USPL1: variants seen among roughly 807,000 people sequenced by gnomAD.
USPL1 encodes the protein SUMO-specific isopeptidase USPL1.
Under a neutral mutation model 51.5 loss-of-function variants are expected in USPL1, and 27 were observed. The observed-to-expected ratio is 0.52, with a 90% CI of 0.39 to 0.72. USPL1 has a LOEUF of 0.72. Among genes scored for constraint, USPL1 ranks in the 30% least tolerant of loss-of-function variants. USPL1 has a pLI of 0.00. For synonymous variants in USPL1, 451 were observed against 459.6 expected (o/e 0.98, Z 0.24); for missense variants, 1,226 against 1,268.0 (o/e 0.97, Z 0.50).
At chr13:30,655,577 T>G (rs1951151600) in intron 8 of USPL1, among the ~76,000 whole-genome samples, 1 of 152,218 alleles carries the variant, frequency 6.6e-6, no homozygotes, top group South Asian at 2.1e-4. Flanking sequence ...GAGTTTTCTG[T>G]GTGTGCTCTG....
intron 5 of USPL1, 142 bp downstream of exon 5, chr13:30,637,999 T>A: frequency 1.4e-6 from 1 of 707,648 alleles, no homozygotes; most frequent in Non-Finnish European, 2.4e-6. Context: ...GACTTAGGAA[T>A]CTACCACTGG....
chr13:30,623,863 G>A (rs1429360072), intron 3 of USPL1, among the ~76,000 whole-genome samples: 1 of 152,158 alleles, frequency 6.6e-6, no homozygotes, highest in Non-Finnish European at 1.5e-5. Flanking sequence ...ATGCTTAGAG[G>A]AAGTGGAAGC....
intron 7 of USPL1, among the ~76,000 whole-genome samples, chr13:30,648,309 A>G (rs1220986625): frequency 6.6e-6 from 1 of 152,154 alleles, no homozygotes; most frequent in Non-Finnish European, 1.5e-5. Flanking sequence ...CAATACTCAG[A>G]TGCTTCACAG....
chr13:30,620,151 G>A (rs1055393423), intron 1 of USPL1, among the ~76,000 whole-genome samples: 11 of 152,164 alleles, frequency 7.2e-5, no homozygotes, highest in African/African-American at 2.7e-4. Flanking sequence ...TTATATAGCC[G>A]AACCAGAATA....
At chr13:30,631,542 C>T (rs1950806237) in intron 4 of USPL1, 68 bp downstream of exon 4, 1 of 1,453,530 alleles carries the variant, frequency 6.9e-7, no homozygotes, top group Admixed American at 2.1e-5. Context: ...ATTCTGTCAC[C>T]CAGGCTGGAG....
rs774775267 is a variant in USPL1 at position 30,658,178 on chromosome 13, C to A, written c.2101C>A (p.Gln701Lys). The change falls in exon 9 of 9, where the codon CAG (glutamine) becomes AAG (lysine). Residue 701 changes from glutamine to lysine, a missense_variant. By Grantham distance (53) the Gln-to-Lys change is moderately conservative. Transcript: ENST00000255304. ...VKSVEIEKDA[Q>K]LKQFLTPKTE... ...GTCAGTAGAAATTGAGAAGGACGCTCAGTTAAAACAATTCCTTACACCAAA... is the reference window on the plus strand; with the variant it reads ...GTCAGTAGAAATTGAGAAGGACGCTAAGTTAAAACAATTCCTTACACCAAA... The A allele has an allele frequency of 6.2e-7, 1 of 1,612,996 alleles. No individual in the cohort carries two copies. The highest frequency in any genetic ancestry group is 1.1e-5 in the South Asian group (1 of 90,646).
chr13:30,634,272 G>A (rs1037995530), intron 4 of USPL1, among the ~76,000 whole-genome samples: 3 of 152,148 alleles, frequency 2.0e-5, no homozygotes, highest in Admixed American at 1.3e-4. Context: ...CACATTAGAC[G>A]AAGGGAAGAT....
At chr13:30,649,231 T>G (rs1951056450) in intron 7 of USPL1, among the ~76,000 whole-genome samples, 3 of 152,264 alleles carry the variant, frequency 2.0e-5, no homozygotes, top group African/African-American at 7.2e-5. Context: ...TGAACTAGTG[T>G]ATGAAGTTTC....
chr13:30,654,394 TTCTC>T (rs533470946), intron 8 of USPL1, among the ~76,000 whole-genome samples: 1 of 151,508 alleles, frequency 6.6e-6, no homozygotes, highest in East Asian at 1.9e-4. Flanking sequence ...CCTTCATTCC[TTCTC>T]TCTCTCTCTT....
chr13:30,652,745 C>T (rs1951106635), intron 7 of USPL1, among the ~76,000 whole-genome samples: 1 of 152,170 alleles, frequency 6.6e-6, no homozygotes, highest in Admixed American at 6.5e-5. Context: ...GTTACCTACC[C>T]CACTTAACAA....
At chr13:30,634,462 C>T (rs4603405) in intron 4 of USPL1, among the ~76,000 whole-genome samples, 58,621 of 152,050 alleles carry the variant, frequency 0.39, 11,642 homozygotes, top group Middle Eastern at 0.54. Flanking sequence ...GGGACCACTT[C>T]GTATTGCCTA....
intron 1 of USPL1, 130 bp downstream of exon 1, chr13:30,618,186 G>A (rs1000818404): frequency 2.0e-5 from 3 of 152,454 alleles, no homozygotes; most frequent in Non-Finnish European, 2.9e-5. Context: ...AAGTGGGAAA[G>A]GTTGATGATT....
In USPL1 at chr13:30,652,076, T is replaced by C. The variant is rs534136179; in HGVS notation, c.1239-1072T>C. On this transcript the variant is annotated intron_variant, in intron 7 of 8. Transcript: ENST00000255304. ...GACATGTAGTTCACATTTTAACCTG[T>C]CTGAAATGGTAATATGTGAAATTGA... Among the ~76,000 whole-genome samples, 126 of 152,378 alleles carry C rather than the reference T, an allele frequency of 8.3e-4. 1 individual carries two copies. Among genetic ancestry groups the C allele is most frequent in the Middle Eastern group, 3.4e-3 (1 of 294 alleles).
chr13:30,625,448 T>TG lies in USPL1; in HGVS notation c.228+3556_228+3557insG, dbSNP rs1444109924. On this transcript the variant is annotated intron_variant, in intron 3 of 8. Transcript: ENST00000255304. Reference sequence around the variant, plus strand: ...TTAGTTGGTTTTTTGTTTTTTGTTTTTTTTTTTTTTTTTTTTGAGACGGAG... The same window carrying TG: ...TTAGTTGGTTTTTTGTTTTTTGTTTTGTTTTTTTTTTTTTTTTGAGACGGAG... Among the ~76,000 whole-genome samples, 4 of 144,648 alleles carry TG rather than the reference T, an allele frequency of 2.8e-5. No individual in the cohort carries two copies. The South Asian group carries it at 6.6e-4, about 24-fold the overall frequency. 94.9% of individuals were successfully genotyped at this position (144,648 alleles called of 152,430 possible). A position where few individuals can be genotyped will look rare whatever the true frequency, so the allele number is the denominator to read the frequency against.
chr13:30,645,984 T>A (rs1236662284), intron 6 of USPL1, among the ~76,000 whole-genome samples: 4 of 152,228 alleles, frequency 2.6e-5, no homozygotes, highest in Admixed American at 2.6e-4. Context: ...AGTAGGAGCC[T>A]TTACATAACA....
rs375459208 is a variant in USPL1 at position 30,631,329 on chromosome 13, C to T, written c.723C>T (p.Ile241=). 2.0e-5 allele frequency: 33 copies of T among 1,614,014 alleles called. No homozygotes were observed. The African/African-American group carries it at 4.3e-4, about 21-fold the overall frequency. The part of the protein sequence containing the change: ...NAYALCWLDC[I]LSALVHSEEL... ...ATGCTCTCTGTTGGTTAGACTGTATCCTGTCAGCTTTGGTGCACTCGGAAG... is the reference window on the plus strand; with the variant it reads ...ATGCTCTCTGTTGGTTAGACTGTATTCTGTCAGCTTTGGTGCACTCGGAAG... Residue 241 remains isoleucine, a synonymous_variant, in exon 4 of 9, where the codon ATC becomes ATT. Transcript: ENST00000255304.
intron 3 of USPL1, among the ~76,000 whole-genome samples, chr13:30,628,306 T>A (rs1022954011): frequency 5.3e-5 from 8 of 152,122 alleles, no homozygotes; most frequent in African/African-American, 1.9e-4. Context: ...GCCTCAAGAT[T>A]CATCCATGTT....
chr13:30,654,307 C>T (rs747042668), intron 8 of USPL1, among the ~76,000 whole-genome samples: 4 of 152,004 alleles, frequency 2.6e-5, no homozygotes, highest in African/African-American at 7.3e-5. Context: ...GTTTTTGGCC[C>T]GCCTACCCGC....
intron 7 of USPL1, 35 bp from the exon 8 acceptor site, chr13:30,653,113 A>T: frequency 6.5e-7 from 1 of 1,545,478 alleles, no homozygotes; most frequent in Non-Finnish European, 8.8e-7. Context: ...ATGGCATTAA[A>T]TTTATTTAAC....
Sources: allele counts gnomAD v4.1 joint callset (sites outside exome capture counted in the v4.1 genomes callset), GRCh38; gene constraint gnomAD v4.1.1; transcripts MANE v1.5; gene names NCBI Gene and HGNC (gene_info 2026-07-23, HGNC 2026-07-21).